The following TASOR2 variants were observed in gnomAD, a reference collection of about 807,000 sequenced individuals.
The protein encoded by TASOR2 is protein TASOR 2.
TASOR2 carries 84 observed loss-of-function variants against 199.5 expected under a neutral mutation model. The ratio of observed to expected loss-of-function variants is 0.42; its 90% CI spans 0.35 to 0.50. TASOR2 has a LOEUF of 0.50. TASOR2 is among the 20% of genes least tolerant of loss of function. The probability of loss-of-function intolerance (pLI) is 0.02; values close to 1 mark genes in which losing one functional copy is unlikely to be tolerated. For missense variants in TASOR2, 2,796 were observed against 2,835.9 expected (o/e 0.99, Z 0.32); for synonymous variants, 1,103 against 1,046.6 (o/e 1.05, Z -1.04).
In TASOR2 at chr10:5,714,235, A is replaced by T. The variant is rs147741986; in HGVS notation, c.-192+1317A>T. 2.6e-3 allele frequency: 3,049 copies of T among 1,189,494 alleles called. 97 individuals carry two copies. Among genetic ancestry groups the T allele is most frequent in the East Asian group, 9.9e-3 (310 of 31,260 alleles). 73.7% of individuals were successfully genotyped at this position (1,189,494 alleles called of 1,614,324 possible). A position where few individuals can be genotyped will look rare whatever the true frequency, so the allele number is the denominator to read the frequency against. ...AAGTCCGTAAAGCAAAAAGAATCTT[A>T]AAAAAAAATCTTCTTTTACAAGATG... On this transcript the variant is annotated intron_variant, in intron 2 of 20. Transcript: ENST00000328090.
At chr10:5,712,883 A>G (rs1832094493) in exon 2 of TASOR2, 12 of 1,231,268 alleles carry the variant, frequency 9.7e-6, no homozygotes, top group South Asian at 4.1e-5. Flanking sequence ...ACTTCAAGAC[A>G]CTTACGGGTT....
chr10:5,755,315 G>A (rs960992627), intron 15 of TASOR2, among the ~76,000 whole-genome samples: 3 of 152,144 alleles, frequency 2.0e-5, no homozygotes, highest in African/African-American at 4.8e-5. Flanking sequence ...GCTCTCGCCT[G>A]TAATCCCAGC....
chr10:5,693,220 G>T (rs1199733658), intron 1 of TASOR2, among the ~76,000 whole-genome samples: 1 of 152,170 alleles, frequency 6.6e-6, no homozygotes, highest in Admixed American at 6.5e-5. Context: ...GTGTGGTAGT[G>T]GTGGAGCCCT....
intron 11 of TASOR2, among the ~76,000 whole-genome samples, chr10:5,732,992 G>A (rs910294270): frequency 9.2e-5 from 14 of 152,120 alleles, no homozygotes; most frequent in Non-Finnish European, 1.0e-4. Context: ...ACAGATTCCA[G>A]GCCAACCATA....
At chr10:5,736,421 A>G (rs76254567) in intron 12 of TASOR2, among the ~76,000 whole-genome samples, 7 of 4,380 alleles carry the variant, frequency 1.6e-3, no homozygotes. Context: ...CCGTCTCAGA[A>G]AAAAAAAAAA....
At chr10:5,758,325 G>GTTC (rs1839268698) in intron 17 of TASOR2, among the ~76,000 whole-genome samples, 1 of 152,102 alleles carries the variant, frequency 6.6e-6, no homozygotes, top group East Asian at 1.9e-4. Flanking sequence ...AGGATCCCTG[G>GTTC]AGATCAGGAG....
At position 5,754,769 on chromosome 10, in the gene TASOR2, C is replaced by T. The variant is rs528459304; in HGVS notation, c.6607-1844C>T. ...AACTGAGAAAGTGGACACGGCCGGG[C>T]GCGGTGGCTCACGCCTGTAATCCCA... On this transcript the variant is annotated intron_variant, in intron 15 of 20. Coordinates refer to ENST00000328090, the Ensembl canonical transcript of TASOR2. This position sits in a 1 kb window ranked among gnomAD's most constrained non-coding sequence, Gnocchi z 4.3. Among the ~76,000 whole-genome samples the T allele has an allele frequency of 3.5e-4, 53 of 152,116 alleles. No individual in the cohort carries two copies. The highest frequency in any genetic ancestry group is 1.2e-3 in the African/African-American group (48 of 41,508).
At position 5,748,992 on chromosome 10, in the gene TASOR2, GA is replaced by G. The variant is rs1837604495; in HGVS notation, c.5577del (p.Asp1860MetfsTer11). The G allele has an allele frequency of 1.2e-6, 2 of 1,613,926 alleles. No homozygotes were observed. Among genetic ancestry groups the G allele is most frequent in the Non-Finnish European group, 1.7e-6 (2 of 1,180,016 alleles). On this transcript the variant is annotated frameshift_variant, in exon 15 of 21. Transcript: ENST00000328090. LOFTEE classifies it high-confidence loss of function. This position sits in a 1 kb window ranked among gnomAD's most constrained non-coding sequence, Gnocchi z 5.1. ...ATACTTTAAGAGGTAGTTACACCAG[GA>G]AAAAAGATGTTCCCACAGATGGCTA...
chr10:5,749,411 A>G (rs1023691175), exon 15 of TASOR2: 1 of 1,614,236 alleles, frequency 6.2e-7, no homozygotes, highest in Non-Finnish European at 8.5e-7. Context: ...GATTCTCAGC[A>G]TTCTGCCTCC....
intron 1 of TASOR2, among the ~76,000 whole-genome samples, chr10:5,708,241 CTT>C (rs2131539956): frequency 6.6e-6 from 1 of 152,280 alleles, no homozygotes; most frequent in Admixed American, 6.5e-5. Context: ...TTTGCAGTTC[CTT>C]TAATGTATCA....
At position 5,735,297 on chromosome 10, in the gene TASOR2, A is replaced by G. The variant is rs902784553; in HGVS notation, c.1205-7A>G. ...CCCTTACAAAAATGATGTCTTTTCT[A>G]CATAAGGTGCGGAAGTGCTGACTGC... On this transcript the variant is annotated splice_polypyrimidine_tract_variant and splice_region_variant and intron_variant, in intron 11 of 20. Transcript: ENST00000328090. 6.2e-7 allele frequency: 1 copy of G among 1,610,796 alleles called. No individual in the cohort carries two copies. Among genetic ancestry groups the G allele is most frequent in the Non-Finnish European group, 8.5e-7 (1 of 1,179,194 alleles).
intron 1 of TASOR2, among the ~76,000 whole-genome samples, chr10:5,692,484 G>A (rs1836557966): frequency 6.6e-6 from 1 of 152,136 alleles, no homozygotes; most frequent in Admixed American, 6.5e-5. Context: ...GAACTCGGGG[G>A]CAGTTGGCTT....
At chr10:5,724,001 A>G (rs1031845018) in intron 7 of TASOR2, among the ~76,000 whole-genome samples, 7 of 152,244 alleles carry the variant, frequency 4.6e-5, no homozygotes, top group Non-Finnish European at 8.8e-5. Context: ...TAGCTTTAAT[A>G]TAGAAATACT....
chr10:5,723,039 A>G (rs1221711247), intron 6 of TASOR2, among the ~76,000 whole-genome samples: 1 of 140,010 alleles, frequency 7.1e-6, no homozygotes, highest in East Asian at 2.1e-4. Flanking sequence ...TAGTCAGGAA[A>G]TAACTTTTTT....
Position 5,723,825 on chromosome 10 carries a change from G to A in TASOR2, c.247+48G>A, listed in dbSNP as rs1423519530. The A allele has an allele frequency of 7.0e-6, 9 of 1,278,666 alleles. No individual in the cohort carries two copies. The East Asian group carries it at 1.5e-4, about 21-fold the overall frequency. The allele number at this position is 1,278,666 out of a possible 1,614,324, so 79.2% of individuals were successfully genotyped here. On this transcript the variant is annotated intron_variant, in intron 7 of 20. Transcript: ENST00000328090. ...GCTACTTGTCCTGGGCTTTGTTCTGGTTATTTTCTGCTCTCTTCCAAACAC... is the reference window on the plus strand; with the variant it reads ...GCTACTTGTCCTGGGCTTTGTTCTGATTATTTTCTGCTCTCTTCCAAACAC...
At chr10:5,684,885 C>A in exon 1 of TASOR2, 1 of 392,264 alleles carries the variant, frequency 2.5e-6, no homozygotes, top group East Asian at 3.6e-5. Flanking sequence ...CATGTTCTCG[C>A]AGGCTGCCGG....
At chr10:5,763,341 A>T (rs1452441634) in exon 21 of TASOR2, 2 of 285,550 alleles carry the variant, frequency 7.0e-6, no homozygotes, top group Non-Finnish European at 1.3e-5. Flanking sequence ...TGGAGCAAAA[A>T]TAAGTCTATT....
intron 12 of TASOR2, among the ~76,000 whole-genome samples, chr10:5,736,861 T>G (rs1003287645): frequency 3.9e-5 from 6 of 152,184 alleles, no homozygotes; most frequent in Non-Finnish European, 7.4e-5. Context: ...TCTATGAGTT[T>G]TCTGTCTGGT....
intron 12 of TASOR2, among the ~76,000 whole-genome samples, chr10:5,736,289 A>C (rs1280801563): frequency 6.6e-6 from 1 of 152,014 alleles, no homozygotes; most frequent in Non-Finnish European, 1.5e-5. Flanking sequence ...GTGGTGGCAC[A>C]TGCCTGTAAT....
Sources: allele counts gnomAD v4.1 joint callset (sites outside exome capture counted in the v4.1 genomes callset), GRCh38; gene constraint gnomAD v4.1.1; non-coding constraint Gnocchi (gnomAD v3.1); transcripts MANE v1.5; gene names NCBI Gene and HGNC (gene_info 2026-07-23, HGNC 2026-07-21).